The following MARCHF3 variants were observed in gnomAD, a reference collection of about 807,000 sequenced individuals.
MARCHF3 encodes the protein membrane associated ring-CH-type finger 3, also known as E3 ubiquitin-protein ligase MARCHF3.
Under a neutral mutation model 24.2 loss-of-function variants are expected in MARCHF3, and 13 were observed. The ratio of observed to expected loss-of-function variants is 0.54; its 90% CI spans 0.35 to 0.85. The LOEUF (loss-of-function observed/expected upper bound fraction) is 0.85, where lower values mean the gene tolerates loss of function less well. Among genes scored for constraint, MARCHF3 ranks in the 40% least tolerant of loss-of-function variants. MARCHF3 has a pLI of 0.01. For synonymous variants in MARCHF3, 144 were observed against 137.3 expected (o/e 1.05, Z -0.34); for missense variants, 276 against 325.0 (o/e 0.85, Z 1.16).
intron 3 of MARCHF3, among the ~76,000 whole-genome samples, chr5:126,900,219 G>A (rs1460903901): frequency 1.3e-5 from 2 of 152,010 alleles, no homozygotes; most frequent in Non-Finnish European, 2.9e-5. Flanking sequence ...AGCTCTATGT[G>A]TGCATAGGTT....
chr5:127,012,555 A>G (rs890794079), intron 1 of MARCHF3, among the ~76,000 whole-genome samples: 1 of 152,212 alleles, frequency 6.6e-6, no homozygotes, highest in African/African-American at 2.4e-5. Flanking sequence ...TAATAATGAT[A>G]AAAAGAGTAG....
intron 1 of MARCHF3, among the ~76,000 whole-genome samples, chr5:126,959,697 C>G (rs1451490755): frequency 6.6e-6 from 1 of 152,008 alleles, no homozygotes; most frequent in Non-Finnish European, 1.5e-5. Flanking sequence ...GCAATTTTTT[C>G]CTGTCACTAC....
chr5:126,923,035 T>C (rs1390971853), intron 1 of MARCHF3, among the ~76,000 whole-genome samples: 2 of 152,192 alleles, frequency 1.3e-5, no homozygotes, highest in South Asian at 2.1e-4. Flanking sequence ...ATCTGGAAGA[T>C]AGGTGTCATT....
At chr5:127,019,683 A>C (rs1324308998) in intron 1 of MARCHF3, among the ~76,000 whole-genome samples, 1 of 152,230 alleles carries the variant, frequency 6.6e-6, no homozygotes, top group Non-Finnish European at 1.5e-5. Flanking sequence ...GAGAGATGAA[A>C]GGACCCTGTT....
chr5:126,901,250 C>G (rs997586110), intron 3 of MARCHF3, among the ~76,000 whole-genome samples: 1 of 152,092 alleles, frequency 6.6e-6, no homozygotes, highest in Non-Finnish European at 1.5e-5. Flanking sequence ...CTCTGTAAAA[C>G]TAGATTGCAA....
At chr5:126,981,935 T>G (rs1164200668) in intron 1 of MARCHF3, among the ~76,000 whole-genome samples, 1 of 152,240 alleles carries the variant, frequency 6.6e-6, no homozygotes, top group African/African-American at 2.4e-5. Flanking sequence ...CCAAGGCTTT[T>G]TTGGAAAATA....
chr5:126,909,460 G>C (rs1199457872), intron 3 of MARCHF3, among the ~76,000 whole-genome samples: 1 of 152,218 alleles, frequency 6.6e-6, no homozygotes, highest in African/African-American at 2.4e-5. Flanking sequence ...TGCTGTGCTA[G>C]CAATCAGCGA....
rs2126786981 is a variant in MARCHF3 at position 126,907,133 on chromosome 5, T to A, written c.393+7797A>T. ...TTCCATGTAGTTGAGCGGTTTTGAG[T>A]GAGATTCTTAACCCTGAGTTCTAGT... On this transcript the variant is annotated intron_variant, in intron 3 of 4. Coordinates refer to ENST00000308660, the MANE Select transcript of MARCHF3 (RefSeq NM_178450.5). Among the ~76,000 whole-genome samples, 4 of 151,506 alleles carry A rather than the reference T, an allele frequency of 2.6e-5. No individual in the cohort carries two copies. The Middle Eastern group carries it at 0.01, about 389-fold the overall frequency.
chr5:126,917,935 G>C, intron 2 of MARCHF3, 49 bp downstream of exon 2: 1 of 1,568,998 alleles, frequency 6.4e-7, no homozygotes, highest in Non-Finnish European at 8.7e-7. Context: ...ATCTGACAAA[G>C]AGTTCTCTGG....
intron 1 of MARCHF3, among the ~76,000 whole-genome samples, chr5:126,977,710 T>G (rs1751249696): frequency 6.6e-6 from 1 of 152,152 alleles, no homozygotes; most frequent in African/African-American, 2.4e-5. Flanking sequence ...AGCTTGTTTA[T>G]AATAGAAAAA....
chr5:127,012,548 T>C (rs1752505200), intron 1 of MARCHF3, among the ~76,000 whole-genome samples: 1 of 152,092 alleles, frequency 6.6e-6, no homozygotes, highest in Admixed American at 6.5e-5. Flanking sequence ...AACTTATTAA[T>C]AATGATAAAA....
At chr5:127,010,551 C>T (rs558636446) in intron 1 of MARCHF3, among the ~76,000 whole-genome samples, 64 of 152,296 alleles carry the variant, frequency 4.2e-4, no homozygotes, top group African/African-American at 1.4e-3. Context: ...CAACAGGCCT[C>T]TTACTGCCAG....
chr5:126,892,324 T>C (rs891483264), intron 3 of MARCHF3, among the ~76,000 whole-genome samples: 6 of 150,776 alleles, frequency 4.0e-5, no homozygotes, highest in South Asian at 4.3e-4. Flanking sequence ...TCCAACACTA[T>C]GTTGAATAGG....
chr5:126,956,542 G>A (rs137896938), intron 1 of MARCHF3, among the ~76,000 whole-genome samples: 3,062 of 150,960 alleles, frequency 0.02, 72 homozygotes, highest in South Asian at 0.11. Flanking sequence ...CTACTTGGGA[G>A]GCTGAGGCAG....
At chr5:126,925,351 A>C (rs1749256166) in intron 1 of MARCHF3, among the ~76,000 whole-genome samples, 1 of 152,194 alleles carries the variant, frequency 6.6e-6, no homozygotes. Flanking sequence ...CCACATGATT[A>C]ATTCTGATTC....
chr5:126,869,673 T>C lies in MARCHF3; in HGVS notation c.*960A>G, dbSNP rs1037351583. 1 of 132,736 alleles carries C rather than the reference T, an allele frequency of 7.5e-6. No individual in the cohort carries two copies. The highest frequency in any genetic ancestry group is 2.8e-5 in the African/African-American group (1 of 35,188). 8.2% of individuals were successfully genotyped at this position (132,736 alleles called of 1,614,324 possible). A position where few individuals can be genotyped will look rare whatever the true frequency, so the allele number is the denominator to read the frequency against. On this transcript the variant is annotated 3_prime_UTR_variant, in exon 5 of 5. Transcript: ENST00000308660. Reference sequence around the variant, plus strand: ...AATGCTAATTGACATGCAAAACAGGTCTAGGGTTCCTAGAAATGTCTAATG... The same window carrying C: ...AATGCTAATTGACATGCAAAACAGGCCTAGGGTTCCTAGAAATGTCTAATG...
intron 1 of MARCHF3, among the ~76,000 whole-genome samples, chr5:126,978,459 C>T (rs1430741116): frequency 6.6e-6 from 1 of 152,016 alleles, no homozygotes; most frequent in Non-Finnish European, 1.5e-5. Context: ...TTAGTAGATA[C>T]TAAGGTTTCT....
At chr5:127,016,522 C>A (rs1458880106) in intron 1 of MARCHF3, among the ~76,000 whole-genome samples, 2 of 152,164 alleles carry the variant, frequency 1.3e-5, no homozygotes, top group Non-Finnish European at 2.9e-5. Flanking sequence ...TTCATCATCA[C>A]TGGTCATCAG....
chr5:126,940,229 C>G (rs1260371328), intron 1 of MARCHF3, among the ~76,000 whole-genome samples: 2 of 152,098 alleles, frequency 1.3e-5, no homozygotes, highest in African/African-American at 4.8e-5. Context: ...TTTGGGGTTA[C>G]AAATAAACTT....
Sources: allele counts gnomAD v4.1 joint callset (sites outside exome capture counted in the v4.1 genomes callset), GRCh38; gene constraint gnomAD v4.1.1; transcripts MANE v1.5; gene names NCBI Gene and HGNC (gene_info 2026-07-23, HGNC 2026-07-21).